The following SALL2 variants were observed in gnomAD, a reference collection of about 807,000 sequenced individuals.
SALL2 encodes sal-like protein 2.
Under a neutral mutation model 58.5 loss-of-function variants are expected in SALL2, and 32 were observed. The observed-to-expected ratio is 0.55, with a 90% CI of 0.41 to 0.74. SALL2 has a LOEUF of 0.74. Among genes scored for constraint, SALL2 ranks in the 30% least tolerant of loss-of-function variants. The probability of loss-of-function intolerance (pLI) is 0.00; values close to 1 mark genes in which losing one functional copy is unlikely to be tolerated. For missense variants in SALL2, 1,201 were observed against 1,268.9 expected, an observed-to-expected ratio of 0.95 and a Z score of 0.81; for synonymous variants, 516 against 513.6, an observed-to-expected ratio of 1.00 and a Z score of -0.06.
chr14:21,525,433 G>A lies in SALL2; in HGVS notation c.289C>T (p.Pro97Ser). The change falls in exon 2 of 2, where the codon CCC becomes TCC. Residue 97 changes from proline (P) to serine (S), a missense_variant. By Grantham distance (74) the Pro-to-Ser change is moderately conservative. This residue lies in a region of SALL2 where 467 missense variants were observed against 468.9 expected (regional missense o/e 1.00). Coordinates refer to ENST00000537235, the MANE Select transcript of SALL2 (RefSeq NM_001364564.1). The surrounding 1 kb of genome is among the most constrained non-coding windows in gnomAD (Gnocchi z 4.4). ...PQVMDTEHSN[P>S]PDSGSSVPTD... ...GGCACGGAGGACCCAGAATCTGGGG[G>A]GTTGCTATGCTCTGTGTCCATGACC... 1.9e-6 allele frequency: 3 copies of A among 1,613,974 alleles called. 1 individual carries two copies. Among genetic ancestry groups the A allele is most frequent in the Non-Finnish European group, 2.5e-6 (3 of 1,179,944 alleles).
chr14:21,526,160 G>A lies in SALL2; in HGVS notation c.-33C>T, dbSNP rs1335857864. 1 of 1,537,680 alleles carries A rather than the reference G, an allele frequency of 6.5e-7. No individual in the cohort carries two copies. The highest frequency in any genetic ancestry group is 8.7e-7 in the Non-Finnish European group (1 of 1,148,056). On this transcript the variant is annotated 5_prime_UTR_variant, in exon 1 of 2. Transcript: ENST00000537235. ...GGGGAAGTGGAGGGCCAGGTGGGGTGGGAGACAATGGATATTGGGATTGAG... is the reference window on the plus strand; with the variant it reads ...GGGGAAGTGGAGGGCCAGGTGGGGTAGGAGACAATGGATATTGGGATTGAG...
In SALL2 at chr14:21,522,216, C is replaced by A; in HGVS notation, c.*488G>T. The A allele has an allele frequency of 6.3e-7, 1 of 1,596,470 alleles. No homozygotes were observed. Among genetic ancestry groups the A allele is most frequent in the Non-Finnish European group, 8.5e-7 (1 of 1,179,110 alleles). On this transcript the variant is annotated 3_prime_UTR_variant, in exon 2 of 2. Coordinates refer to ENST00000537235, the MANE Select transcript of SALL2 (RefSeq NM_001364564.1). ...GGAATTCCAGGGCTTCATGGGCAGGCCATTTGACAGGAATGCCACATACTG... is the reference window on the plus strand; with the variant it reads ...GGAATTCCAGGGCTTCATGGGCAGGACATTTGACAGGAATGCCACATACTG...
Position 21,523,206 on chromosome 14 carries a change from G to A in SALL2, c.2516C>T (p.Pro839Leu), listed in dbSNP as rs1892119648. Residue 839 changes from proline to leucine, a missense_variant, in exon 2 of 2, where the codon CCA becomes CTA. By Grantham distance (98) the Pro-to-Leu change is moderately conservative. Transcript: ENST00000537235. This position sits in a 1 kb window ranked among gnomAD's most constrained non-coding sequence, Gnocchi z 4.4. ...AGGCTGATCCAGGCTGTCAGGTGGT[G>A]GTGGTGGTGGCAAAGAAGACTGTTG... ...TTQQSSLPPP[P>L]PPDSLDQPQP... 1 of 1,614,088 alleles carries A rather than the reference G, an allele frequency of 6.2e-7. No homozygotes were observed. Among genetic ancestry groups the A allele is most frequent in the Non-Finnish European group, 8.5e-7 (1 of 1,180,026 alleles).
In SALL2 at chr14:21,525,739, C is replaced by T; in HGVS notation, c.68-85G>A. ...CTCTAATTAACAAGGAGGCCAGTAACCGCTAGTTGGGGGTGGGGAGATGAG... is the reference window on the plus strand; with the variant it reads ...CTCTAATTAACAAGGAGGCCAGTAATCGCTAGTTGGGGGTGGGGAGATGAG... On this transcript the variant is annotated intron_variant, in intron 1 of 1. Transcript: ENST00000537235. This position sits in a 1 kb window ranked among gnomAD's most constrained non-coding sequence, Gnocchi z 4.4. The T allele has an allele frequency of 7.0e-7, 1 of 1,427,742 alleles. No homozygotes were observed. The highest frequency in any genetic ancestry group is 1.4e-5 in the South Asian group (1 of 70,792). The allele number at this position is 1,427,742 out of a possible 1,614,324, so 88.4% of individuals were successfully genotyped here. A position where few individuals can be genotyped will look rare whatever the true frequency, so the allele number is the denominator to read the frequency against.
Position 21,525,421 on chromosome 14 carries a change from C to T in SALL2, c.301G>A (p.Gly101Arg). ...GTGGGATCCGTGGGCACGGAGGACC[C>T]AGAATCTGGGGGGTTGCTATGCTCT... Reference protein sequence around the residue: ...DTEHSNPPDSGSSVPTDPTWG... With the variant: ...DTEHSNPPDSRSSVPTDPTWG... The change falls in exon 2 of 2, where the codon GGG becomes AGG. Residue 101 changes from glycine to arginine, a missense_variant. This residue lies in a region of SALL2 where 467 missense variants were observed against 468.9 expected (regional missense o/e 1.00). Coordinates refer to ENST00000537235, the MANE Select transcript of SALL2 (RefSeq NM_001364564.1). This position sits in a 1 kb window ranked among gnomAD's most constrained non-coding sequence, Gnocchi z 4.4. 1.2e-6 allele frequency: 2 copies of T among 1,613,998 alleles called. No homozygotes were observed. The highest frequency in any genetic ancestry group is 1.7e-6 in the Non-Finnish European group (2 of 1,179,964).
rs61746515 is a variant in SALL2, at chr14:21,523,496, C to T, written c.2226G>A (p.Gly742=). Residue 742 remains glycine, a synonymous_variant, in exon 2 of 2, where the codon GGG becomes GGA. Coordinates refer to ENST00000537235, the MANE Select transcript of SALL2 (RefSeq NM_001364564.1). The surrounding 1 kb of genome is among the most constrained non-coding windows in gnomAD (Gnocchi z 4.4). ...ENGSEQSTVS[G]ARSFPQQQSQ... The stretch of plus-strand genomic sequence containing the variant: ...ACTGCTGCTGGGGGAAACTCCGTGC[C>T]CCGGAGACTGTAGATTGCTCGGAGC... 41,335 of 1,614,178 alleles carry T rather than the reference C, an allele frequency of 0.026. 663 individuals are homozygous for T. Among genetic ancestry groups the T allele is most frequent in the South Asian group, 0.035 (3,151 of 91,088 alleles).
chr14:21,522,139 G>A lies in SALL2; in HGVS notation c.*565C>T, dbSNP rs768933396. On this transcript the variant is annotated 3_prime_UTR_variant, in exon 2 of 2. Coordinates refer to ENST00000537235, the MANE Select transcript of SALL2 (RefSeq NM_001364564.1). ...GGCACCTTCCCAGCCACAGTTCCTA[G>A]GCCAAACAGCACTGGTGGGGCCAGG... 3.1e-5 allele frequency: 49 copies of A among 1,597,942 alleles called. No homozygotes were observed. The highest frequency in any genetic ancestry group is 4.0e-5 in the African/African-American group (3 of 74,896).
rs1892046048 is a variant in SALL2 at position 21,521,913 on chromosome 14, C to T, written c.*791G>A. The T allele has an allele frequency of 7.1e-7, 1 of 1,405,392 alleles. No homozygotes were observed. The highest frequency in any genetic ancestry group is 9.4e-7 in the Non-Finnish European group (1 of 1,059,854). The allele number at this position is 1,405,392 out of a possible 1,614,324, so 87.1% of individuals were successfully genotyped here. Reference sequence around the variant, plus strand: ...ATTTTCCTATGCCCTTCCTTCATTTCTCCCTACTTCCTAGGGTTGGGTCAC... The same window carrying T: ...ATTTTCCTATGCCCTTCCTTCATTTTTCCCTACTTCCTAGGGTTGGGTCAC... On this transcript the variant is annotated 3_prime_UTR_variant, in exon 2 of 2. Coordinates refer to ENST00000537235, the MANE Select transcript of SALL2 (RefSeq NM_001364564.1).
chr14:21,535,114 G>A (rs931241515), intron 1 of SALL2, among the ~76,000 whole-genome samples: 1 of 152,240 alleles, frequency 6.6e-6, no homozygotes, highest in African/African-American at 2.4e-5. Flanking sequence ...GGGAGGCCAA[G>A]GCGGGCAGAT....
Position 21,523,229 on chromosome 14 carries a change from T to G in SALL2, c.2493A>C (p.Gln831His). Residue 831 changes from glutamine to histidine, a missense_variant, in exon 2 of 2, where the codon CAA (glutamine) becomes CAC (histidine). Physicochemically the swap from Gln to His is conservative, Grantham distance 24. Around this residue, in one of 3 missense-constraint regions of SALL2, gnomAD observed 675 missense variants for 683.8 expected, o/e 0.99. Transcript: ENST00000537235. This position sits in a 1 kb window ranked among gnomAD's most constrained non-coding sequence, Gnocchi z 4.4. Reference protein sequence around the residue: ...KEMDSNEKTTQQSSLPPPPPP... With the variant: ...KEMDSNEKTTHQSSLPPPPPP... ...GTGGTGGTGGTGGCAAAGAAGACTG[T>G]TGAGTAGTTTTCTCATTACTGTCCA... is the stretch of plus-strand genomic sequence containing the variant. 1 of 1,614,052 alleles carries G rather than the reference T, an allele frequency of 6.2e-7. No homozygotes were observed. The highest frequency in any genetic ancestry group is 8.5e-7 in the Non-Finnish European group (1 of 1,180,038).
Position 21,525,780 on chromosome 14 carries a change from A to G in SALL2, c.68-126T>C. ...GGGAGATGAGCTCACCATCAGGGCC[A>G]TGCAGAAGTCTAGAGCTCAGGCCTG... On this transcript the variant is annotated intron_variant, in intron 1 of 1. Coordinates refer to ENST00000537235, the MANE Select transcript of SALL2 (RefSeq NM_001364564.1). This position sits in a 1 kb window ranked among gnomAD's most constrained non-coding sequence, Gnocchi z 4.4. 1 of 1,007,462 alleles carries G rather than the reference A, an allele frequency of 9.9e-7. No individual in the cohort carries two copies. The highest frequency in any genetic ancestry group is 1.7e-5 in the South Asian group (1 of 59,968). The allele number at this position is 1,007,462 out of a possible 1,614,324, so 62.4% of individuals were successfully genotyped here.
upstream of SALL2, among the ~76,000 whole-genome samples, chr14:21,530,814 T>C (rs1000583501): frequency 2.0e-5 from 3 of 152,122 alleles, no homozygotes; most frequent in Admixed American, 6.5e-5. Context: ...GGTTTCACTA[T>C]GTTGCCCAGG....
Position 21,525,675 on chromosome 14 carries a change from G to A in SALL2, c.68-21C>T. 6.5e-7 allele frequency: 1 copy of A among 1,545,164 alleles called. No homozygotes were observed. Among genetic ancestry groups the A allele is most frequent in the Non-Finnish European group, 8.7e-7 (1 of 1,144,250 alleles). ...ATCACCTGGGGAGAAGACAAGGAGAGAGAGCGTGGGTGGCGCAGTTGGGTT... is the reference window on the plus strand; with the variant it reads ...ATCACCTGGGGAGAAGACAAGGAGAAAGAGCGTGGGTGGCGCAGTTGGGTT... On this transcript the variant is annotated intron_variant, in intron 1 of 1. Transcript: ENST00000537235. The surrounding 1 kb of genome is among the most constrained non-coding windows in gnomAD (Gnocchi z 4.4).
Position 21,525,588 on chromosome 14 carries a change from G to T in SALL2, c.134C>A (p.Thr45Asn), listed in dbSNP as rs756929275. Reference protein sequence around the residue: ...AKCCAQFTDPTEFLAHQNACS... With the variant: ...AKCCAQFTDPNEFLAHQNACS... ...TGCGTTCTGGTGGGCGAGGAATTCAGTTGGGTCAGTGAATTGTGCGCAGCA... is the reference window on the plus strand; with the variant it reads ...TGCGTTCTGGTGGGCGAGGAATTCATTTGGGTCAGTGAATTGTGCGCAGCA... Residue 45 changes from threonine to asparagine, a missense_variant, in exon 2 of 2, where the codon ACT (threonine) becomes AAT (asparagine). Physicochemically the swap from Thr to Asn is moderately conservative, Grantham distance 65. Transcript: ENST00000537235. This position sits in a 1 kb window ranked among gnomAD's most constrained non-coding sequence, Gnocchi z 4.4. 8.7e-6 allele frequency: 14 copies of T among 1,612,250 alleles called. No homozygotes were observed. Among genetic ancestry groups the T allele is most frequent in the South Asian group, 1.1e-5 (1 of 90,694 alleles).
chr14:21,523,604 C>T lies in SALL2; in HGVS notation c.2118G>A (p.Gln706=), dbSNP rs199602512. 1.3e-4 allele frequency: 207 copies of T among 1,614,246 alleles called. No homozygotes were observed. The East Asian group carries it at 3.2e-3, about 25-fold the overall frequency. The change falls in exon 2 of 2, where the codon CAG becomes CAA. Residue 706 remains glutamine (Q), a synonymous_variant. Coordinates refer to ENST00000537235, the MANE Select transcript of SALL2 (RefSeq NM_001364564.1). This position sits in a 1 kb window ranked among gnomAD's most constrained non-coding sequence, Gnocchi z 4.4. The part of the protein sequence containing the change: ...KKFTNAVTLQ[Q]HVRMHLGGQI... ...GGCCCCCCAGGTGCATCCGGACATG[C>T]TGCTGCAGAGTGACAGCATTGGTGA...
upstream of SALL2, among the ~76,000 whole-genome samples, chr14:21,528,067 G>A (rs865826454): frequency 6.6e-6 from 1 of 151,858 alleles, no homozygotes; most frequent in African/African-American, 2.4e-5. Context: ...GAACCCAGGA[G>A]GTGGAGGTTG....
chr14:21,531,502 G>C (rs1479849948), intron 1 of SALL2, among the ~76,000 whole-genome samples: 2 of 151,934 alleles, frequency 1.3e-5, no homozygotes, highest in East Asian at 3.9e-4. Flanking sequence ...CGCCTCCCAG[G>C]TTCAAGCGAT....
At position 21,521,790 on chromosome 14, in the gene SALL2, T is replaced by C. The variant is rs1892041149; in HGVS notation, c.*914A>G. The C allele has an allele frequency of 7.8e-6, 4 of 514,342 alleles. No individual in the cohort carries two copies. In the East Asian group the frequency reaches 9.5e-5, roughly 12 times the overall value. The allele number at this position is 514,342 out of a possible 1,614,324, so 31.9% of individuals were successfully genotyped here. A position where few individuals can be genotyped will look rare whatever the true frequency, so the allele number is the denominator to read the frequency against. On this transcript the variant is annotated 3_prime_UTR_variant, in exon 2 of 2. Coordinates refer to ENST00000537235, the MANE Select transcript of SALL2 (RefSeq NM_001364564.1). ...CAAGAAATCAGCTTGTTTCCCAACT[T>C]TGAGAGGTCATCATGAATGAGAAGC...
chr14:21,522,400 GGAGA>G lies in SALL2; in HGVS notation c.*300_*303del, dbSNP rs1892073470. ...TGCACCTACCAAAGGGAAAGGGAGA[GGAGA>G]GAGGAGGGGGAAGAAGGGTCACACC... is the stretch of plus-strand genomic sequence containing the variant. On this transcript the variant is annotated 3_prime_UTR_variant, in exon 2 of 2. Transcript: ENST00000537235. The G allele has an allele frequency of 2.1e-6, 3 of 1,420,794 alleles. No homozygotes were observed. The highest frequency in any genetic ancestry group is 2.6e-4 in the Middle Eastern group (1 of 3,894). 88.0% of individuals were successfully genotyped at this position (1,420,794 alleles called of 1,614,324 possible).
Sources: allele counts gnomAD v4.1 joint callset (sites outside exome capture counted in the v4.1 genomes callset), GRCh38; gene constraint gnomAD v4.1.1; regional missense constraint gnomAD v4.1.1; non-coding constraint Gnocchi (gnomAD v3.1); transcripts MANE v1.5; gene names NCBI Gene and HGNC (gene_info 2026-07-23, HGNC 2026-07-21).